Variants in TBCEL observed in about 807,000 individuals in gnomAD.
TBCEL encodes the protein tubulin folding cofactor E like.
A neutral mutation model predicts 44.2 loss-of-function variants in TBCEL; 15 were observed. That is an observed-to-expected ratio of 0.34 (90% CI 0.23 to 0.52). The LOEUF (loss-of-function observed/expected upper bound fraction) is 0.52. Ranked by LOEUF, TBCEL falls within the 20% of genes least tolerant of loss-of-function variation. The pLI, the probability that TBCEL is intolerant of heterozygous loss-of-function variation, is 0.95. For synonymous variants in TBCEL, 171 were observed against 185.4 expected (o/e 0.92, Z 0.63); for missense variants, 319 against 506.3 (o/e 0.63, Z 3.55).
At chr11:121,040,600 CTATTT>C (rs1945313652) in intron 2 of TBCEL, among the ~76,000 whole-genome samples, 1 of 151,932 alleles carries the variant, frequency 6.6e-6, no homozygotes, top group African/African-American at 2.4e-5. Flanking sequence ...CTATTTTTAT[CTATTT>C]TATTTCTCTT....
intron 8 of TBCEL, among the ~76,000 whole-genome samples, chr11:121,064,259 CT>C (rs1945776855): frequency 1.3e-5 from 2 of 152,326 alleles, no homozygotes; most frequent in South Asian, 2.1e-4. Flanking sequence ...CCTGTCTACT[CT>C]TACAAAGGAT....
At position 121,047,591 on chromosome 11, in the gene TBCEL, A is replaced by G; in HGVS notation, c.197A>G (p.Glu66Gly). ...NSCGITCAGD[E>G]KEIAAFCAHV... ...TGTGGAATAACCTGTGCAGGAGATG[A>G]AAAAGAAATTGCTGCTTTCTGCGCT... The change falls in exon 4 of 9, where the codon GAA becomes GGA. Residue 66 changes from glutamate (E) to glycine (G), a missense_variant. Transcript: ENST00000683345. 1.2e-6 allele frequency: 2 copies of G among 1,612,874 alleles called. No individual in the cohort carries two copies. The highest frequency in any genetic ancestry group is 1.7e-6 in the Non-Finnish European group (2 of 1,179,232).
At chr11:121,082,764 G>A (rs1235636326) in intron 8 of TBCEL, among the ~76,000 whole-genome samples, 1 of 152,204 alleles carries the variant, frequency 6.6e-6, no homozygotes, top group Non-Finnish European at 1.5e-5. Context: ...CTCCTCTCTA[G>A]GATTGACTCT....
chr11:121,066,853 T>C lies in TBCEL; in HGVS notation c.956+6768T>C, dbSNP rs549191320. Among the ~76,000 whole-genome samples the C allele has an allele frequency of 3.3e-5, 5 of 152,312 alleles. No individual in the cohort carries two copies. In the East Asian group the frequency reaches 9.6e-4, roughly 29 times the overall value. ...GGTGGAATTTGACCCTCTACATCATTCAGTGTCTCATATAAAATTGAGCTT... is the reference window on the plus strand; with the variant it reads ...GGTGGAATTTGACCCTCTACATCATCCAGTGTCTCATATAAAATTGAGCTT... On this transcript the variant is annotated intron_variant, in intron 8 of 8. Transcript: ENST00000683345.
intron 8 of TBCEL, among the ~76,000 whole-genome samples, chr11:121,063,696 T>A (rs1336432905): frequency 6.6e-6 from 1 of 152,316 alleles, no homozygotes; most frequent in East Asian, 1.9e-4. Context: ...ATAATTGGTA[T>A]TTACGACTTC....
At chr11:121,079,689 C>G (rs1591420143) in intron 8 of TBCEL, among the ~76,000 whole-genome samples, 1 of 152,270 alleles carries the variant, frequency 6.6e-6, no homozygotes, top group East Asian at 1.9e-4. Flanking sequence ...TTTGATGTCC[C>G]AGGATATGAT....
chr11:121,044,321 T>G (rs1384034805), intron 2 of TBCEL, among the ~76,000 whole-genome samples: 1 of 152,126 alleles, frequency 6.6e-6, no homozygotes, highest in African/African-American at 2.4e-5. Flanking sequence ...TTAAAACCTT[T>G]CAGTTTTTTC....
Position 121,058,365 on chromosome 11 carries a change from A to G in TBCEL, c.733A>G (p.Ile245Val), listed in dbSNP as rs372851892. The change falls in exon 7 of 9, where the codon ATT (isoleucine) becomes GTT (valine). Residue 245 changes from isoleucine (I) to valine (V), a missense_variant. Transcript: ENST00000683345. ...ATTAGGTTTGCAGTCCTGGGAAGAC[A>G]TTGATAAACTAAATTCATTTCCCAA... Reference protein sequence around the residue: ...HKSGLQSWEDIDKLNSFPKLE... With the variant: ...HKSGLQSWEDVDKLNSFPKLE... 1.2e-4 allele frequency: 186 copies of G among 1,611,484 alleles called. No individual in the cohort carries two copies. The highest frequency in any genetic ancestry group is 1.5e-4 in the Non-Finnish European group (176 of 1,178,178).
intron 8 of TBCEL, among the ~76,000 whole-genome samples, chr11:121,068,435 T>G (rs934350245): frequency 3.3e-5 from 5 of 152,098 alleles, no homozygotes; most frequent in Non-Finnish European, 7.4e-5. Context: ...AGAATCTGAC[T>G]ACTGCTTCCT....
At chr11:121,066,339 C>T (rs1333135133) in intron 8 of TBCEL, among the ~76,000 whole-genome samples, 1 of 152,172 alleles carries the variant, frequency 6.6e-6, no homozygotes, top group Non-Finnish European at 1.5e-5. Flanking sequence ...GTTAGACAGG[C>T]TTATATCAGC....
At chr11:121,070,943 A>G (rs1360117614) in intron 8 of TBCEL, among the ~76,000 whole-genome samples, 3 of 152,062 alleles carry the variant, frequency 2.0e-5, no homozygotes, top group African/African-American at 7.2e-5. Flanking sequence ...TAGAGAGATT[A>G]TGTGTATTAA....
intron 6 of TBCEL, among the ~76,000 whole-genome samples, chr11:121,056,591 C>G (rs1326319231): frequency 6.6e-6 from 1 of 151,828 alleles, no homozygotes; most frequent in African/African-American, 2.4e-5. Context: ...TATCATTTTG[C>G]ATTCCCACCA....
chr11:121,087,096 A>G lies in TBCEL; in HGVS notation c.1275A>G (p.Ter425=), dbSNP rs771113907. ...DKIYVESKTK[*] The stretch of plus-strand genomic sequence containing the variant: ...TTTACGTGGAATCCAAAACAAAATA[A>G]CCTCTACCAGCCTTGTGAAAAACAT... The change falls in exon 9 of 9, where the codon TAA becomes TAG. Residue 425 remains the stop codon, a stop_retained_variant. Coordinates refer to ENST00000683345, the MANE Select transcript of TBCEL (RefSeq NM_001363644.2). 1.6e-5 allele frequency: 25 copies of G among 1,611,770 alleles called. No individual in the cohort carries two copies. The East Asian group carries it at 5.6e-4, about 36-fold the overall frequency.
At position 121,047,683 on chromosome 11, in the gene TBCEL, T is replaced by C; in HGVS notation, c.273+16T>C. The stretch of plus-strand genomic sequence containing the variant: ...CTGGCATGAGGTGAAGTTTTTATAT[T>C]GCTACATTTTAGTGAAAAGCAGCAA... On this transcript the variant is annotated intron_variant, in intron 4 of 8. Coordinates refer to ENST00000683345, the MANE Select transcript of TBCEL (RefSeq NM_001363644.2). 6.2e-7 allele frequency: 1 copy of C among 1,611,258 alleles called. No homozygotes were observed. Among genetic ancestry groups the C allele is most frequent in the Non-Finnish European group, 8.5e-7 (1 of 1,178,364 alleles).
At chr11:121,039,421 G>A (rs1354721183) in intron 2 of TBCEL, among the ~76,000 whole-genome samples, 3 of 152,214 alleles carry the variant, frequency 2.0e-5, no homozygotes, top group African/African-American at 7.2e-5. Flanking sequence ...TCCTTCTAGA[G>A]TGTGGATGCC....
intron 4 of TBCEL, among the ~76,000 whole-genome samples, chr11:121,048,726 A>G (rs925779955): frequency 1.3e-5 from 2 of 152,040 alleles, no homozygotes; most frequent in South Asian, 2.1e-4. Context: ...CTCTATAAGC[A>G]TGACCCTTCA....
chr11:121,048,024 ATTG>A (rs1565496026), intron 4 of TBCEL: 1 of 150,888 alleles, frequency 6.6e-6, no homozygotes, highest in Admixed American at 6.6e-5. Flanking sequence ...TTGCTTTGTT[ATTG>A]TTAATTTATT....
intron 8 of TBCEL, among the ~76,000 whole-genome samples, chr11:121,079,811 C>T (rs1365510954): frequency 6.6e-6 from 1 of 152,130 alleles, no homozygotes; most frequent in African/African-American, 2.4e-5. Context: ...GAAACAAACT[C>T]GATAAATGTT....
Position 121,055,155 on chromosome 11 carries a change from C to T in TBCEL, c.559C>T (p.Gln187Ter). 6.2e-7 allele frequency: 1 copy of T among 1,612,078 alleles called. No individual in the cohort carries two copies. The highest frequency in any genetic ancestry group is 8.5e-7 in the Non-Finnish European group (1 of 1,178,896). ...ACTACATATAACAGACAATAACCTC[C>T]AAGACTGGACTGAAATACGAAAGTT... ...KLLHITDNNL[Q>*]DWTEIRKLGV... The change falls in exon 6 of 9, where the codon CAA becomes TAA. Residue 187 changes from glutamine to a stop codon, truncating the protein, a stop_gained. Coordinates refer to ENST00000683345, the MANE Select transcript of TBCEL (RefSeq NM_001363644.2). LOFTEE classifies it high-confidence loss of function.
Sources: gnomAD v4.1 joint callset for allele counts (sites outside exome capture counted in the v4.1 genomes callset) on GRCh38, gnomAD v4.1.1 for gene constraint, MANE v1.5 for transcripts, NCBI Gene and HGNC (gene_info 2026-07-23, HGNC 2026-07-21) for gene names.